MAN1A1: variants seen among roughly 807,000 people sequenced by gnomAD.
The protein encoded by MAN1A1 is mannosyl-oligosaccharide 1,2-alpha-mannosidase IA.
MAN1A1 carries 29 observed loss-of-function variants against 70.8 expected under a neutral mutation model. That is an observed-to-expected ratio of 0.41 (90% CI 0.31 to 0.56). The LOEUF is 0.56. Ranked by LOEUF, MAN1A1 falls within the 20% of genes least tolerant of loss-of-function variation. The pLI, the probability that MAN1A1 is intolerant of heterozygous loss-of-function variation, is 0.29. For missense variants in MAN1A1, 747 were observed against 841.3 expected (o/e 0.89, Z 1.39); for synonymous variants, 349 against 330.1 (o/e 1.06, Z -0.62).
chr6:119,197,689 G>A (rs1028519315), intron 8 of MAN1A1, among the ~76,000 whole-genome samples: 1 of 152,148 alleles, frequency 6.6e-6, no homozygotes, highest in Non-Finnish European at 1.5e-5. Context: ...ACATGGCCAA[G>A]CAGGCCTCGA....
intron 5 of MAN1A1, among the ~76,000 whole-genome samples, chr6:119,282,698 C>T (rs1776253794): frequency 1.3e-5 from 2 of 152,082 alleles, no homozygotes; most frequent in African/African-American, 4.8e-5. Flanking sequence ...ATATGTAAGG[C>T]TAAATCTAAA....
chr6:119,346,825 G>C (rs972799064), intron 2 of MAN1A1, among the ~76,000 whole-genome samples: 3 of 152,192 alleles, frequency 2.0e-5, no homozygotes, highest in Admixed American at 1.3e-4. Context: ...TGAAATGTAT[G>C]AATTACACCG....
intron 5 of MAN1A1, among the ~76,000 whole-genome samples, chr6:119,255,626 T>C (rs1462939153): frequency 4.6e-5 from 7 of 152,332 alleles, no homozygotes; most frequent in Non-Finnish European, 1.0e-4. Flanking sequence ...CATAATCTGA[T>C]ACACAGATGA....
chr6:119,322,589 C>T (rs1000695673), intron 2 of MAN1A1, among the ~76,000 whole-genome samples: 11 of 152,178 alleles, frequency 7.2e-5, no homozygotes, highest in Non-Finnish European at 1.6e-4. Context: ...TTTGCTACTA[C>T]TCGGCCAGTC....
intron 6 of MAN1A1, among the ~76,000 whole-genome samples, chr6:119,236,580 T>C (rs1774850780): frequency 6.6e-6 from 1 of 151,718 alleles, no homozygotes; most frequent in Admixed American, 6.6e-5. Flanking sequence ...GGGTGGTGGG[T>C]GCCTATAATC....
At chr6:119,237,019 T>C (rs1044254370) in intron 6 of MAN1A1, among the ~76,000 whole-genome samples, 3 of 152,134 alleles carry the variant, frequency 2.0e-5, no homozygotes, top group African/African-American at 4.8e-5. Flanking sequence ...TGTGGTAAAA[T>C]AGCAAGAGAA....
At chr6:119,204,166 C>T (rs926913497) in intron 7 of MAN1A1, among the ~76,000 whole-genome samples, 4 of 152,138 alleles carry the variant, frequency 2.6e-5, no homozygotes, top group African/African-American at 9.7e-5. Flanking sequence ...TGGTAAGTGG[C>T]TTTGGCACTG....
chr6:119,195,653 A>T (rs1280963298), intron 8 of MAN1A1, among the ~76,000 whole-genome samples: 1 of 152,166 alleles, frequency 6.6e-6, no homozygotes, highest in African/African-American at 2.4e-5. Flanking sequence ...AGTCCACCCC[A>T]GCCCCTGGAA....
chr6:119,301,795 C>T (rs141858553), intron 4 of MAN1A1, among the ~76,000 whole-genome samples, 193 bp downstream of exon 4: 1 of 152,106 alleles, frequency 6.6e-6, no homozygotes, highest in Admixed American at 6.5e-5. Flanking sequence ...TCTTCATTTG[C>T]CAAAAAACAA....
intron 2 of MAN1A1, among the ~76,000 whole-genome samples, chr6:119,341,445 ACTT>A (rs770834490): frequency 2.6e-5 from 4 of 152,112 alleles, no homozygotes; most frequent in Non-Finnish European, 4.4e-5. Context: ...GGTTCTCAGT[ACTT>A]CTCAACACCT....
At chr6:119,311,543 G>C (rs1772701515) in intron 2 of MAN1A1, among the ~76,000 whole-genome samples, 1 of 152,108 alleles carries the variant, frequency 6.6e-6, no homozygotes, top group Non-Finnish European at 1.5e-5. Flanking sequence ...TTGTTCGAGG[G>C]ATTTGAGGTT....
intron 5 of MAN1A1, among the ~76,000 whole-genome samples, chr6:119,252,741 G>A (rs1775357068): frequency 6.6e-6 from 1 of 152,056 alleles, no homozygotes; most frequent in African/African-American, 2.4e-5. Context: ...GCAGTGAGCC[G>A]AGACTGCGTC....
In MAN1A1 at chr6:119,253,488, T is replaced by C. The variant is rs535124755; in HGVS notation, c.898-5134A>G. Among the ~76,000 whole-genome samples, 5 of 152,320 alleles carry C rather than the reference T, an allele frequency of 3.3e-5. No homozygotes were observed. In the South Asian group the frequency reaches 1.0e-3, roughly 32 times the overall value. On this transcript the variant is annotated intron_variant, in intron 5 of 12. Coordinates refer to ENST00000368468, the MANE Select transcript of MAN1A1 (RefSeq NM_005907.4). ...CATCTGCCACATTCACTTGACCTCTTGCCAACCCATTACCACTTATTCAAG... is the reference window on the plus strand; with the variant it reads ...CATCTGCCACATTCACTTGACCTCTCGCCAACCCATTACCACTTATTCAAG...
chr6:119,224,898 G>T (rs555916782), intron 6 of MAN1A1, among the ~76,000 whole-genome samples: 5 of 152,272 alleles, frequency 3.3e-5, no homozygotes, highest in African/African-American at 1.2e-4. Context: ...GGAGGCCGAG[G>T]TGGACAGATC....
At chr6:119,335,614 G>A (rs1773430759) in intron 2 of MAN1A1, among the ~76,000 whole-genome samples, 1 of 152,200 alleles carries the variant, frequency 6.6e-6, no homozygotes, top group Non-Finnish European at 1.5e-5. Context: ...CAAAATCAGT[G>A]ACACACAGGC....
Position 119,200,463 on chromosome 6 carries a change from A to G in MAN1A1, c.1210+791T>C, listed in dbSNP as rs114089556. Among the ~76,000 whole-genome samples, 423 of 152,328 alleles carry G rather than the reference A, an allele frequency of 2.8e-3. 4 individuals carry two copies. The highest frequency in any genetic ancestry group is 9.4e-3 in the African/African-American group (390 of 41,568). On this transcript the variant is annotated intron_variant, in intron 8 of 12. Coordinates refer to ENST00000368468, the MANE Select transcript of MAN1A1 (RefSeq NM_005907.4). ...TAAGAAAAGTACTTCTAAAGTAATA[A>G]TGAGGTATCTAAGAACATGATATTA... is the stretch of plus-strand genomic sequence containing the variant.
At chr6:119,240,116 T>C (rs1774962173) in intron 6 of MAN1A1, among the ~76,000 whole-genome samples, 2 of 152,184 alleles carry the variant, frequency 1.3e-5, no homozygotes, top group Admixed American at 6.5e-5. Flanking sequence ...TCCAGTCCCA[T>C]CTGCTTTGAA....
intron 8 of MAN1A1, among the ~76,000 whole-genome samples, chr6:119,194,705 G>A (rs1421269465): frequency 2.6e-5 from 4 of 152,074 alleles, no homozygotes; most frequent in Admixed American, 2.6e-4. Context: ...GAAAGGATAT[G>A]GGGCAGAAGA....
At chr6:119,272,066 A>T (rs1241203774) in intron 5 of MAN1A1, among the ~76,000 whole-genome samples, 3 of 152,224 alleles carry the variant, frequency 2.0e-5, no homozygotes, top group African/African-American at 7.2e-5. Context: ...AAGTATTTCA[A>T]ATTTACACAT....
Sources: gnomAD v4.1 joint callset for allele counts (sites outside exome capture counted in the v4.1 genomes callset) on GRCh38, gnomAD v4.1.1 for gene constraint, MANE v1.5 for transcripts, NCBI Gene and HGNC (gene_info 2026-07-23, HGNC 2026-07-21) for gene names.